The following PSMD7 variants were observed in gnomAD, a reference collection of about 807,000 sequenced individuals.
The protein encoded by PSMD7 is proteasome 26S subunit, non-ATPase 7, also known as 26S proteasome non-ATPase regulatory subunit 7.
In PSMD7, 13 loss-of-function variants were observed where a neutral mutation model predicts 36.4. The ratio of observed to expected loss-of-function variants is 0.36; its 90% CI spans 0.23 to 0.57. The LOEUF (loss-of-function observed/expected upper bound fraction) is 0.57. Ranked by LOEUF, PSMD7 falls within the 20% of genes least tolerant of loss-of-function variation. PSMD7 has a pLI of 0.83. For synonymous variants in PSMD7, 186 were observed against 151.0 expected (o/e 1.23, Z -1.70); for missense variants, 298 against 393.6 (o/e 0.76, Z 2.06).
intron 5 of PSMD7, 143 bp downstream of exon 5, chr16:74,302,435 C>A: frequency 1.5e-6 from 1 of 670,746 alleles, no homozygotes; most frequent in Non-Finnish European, 2.5e-6. Flanking sequence ...TTTTTAATCA[C>A]CACATTTTGG....
intron 5 of PSMD7, among the ~76,000 whole-genome samples, chr16:74,303,624 G>C (rs936495986): frequency 2.0e-5 from 3 of 152,106 alleles, no homozygotes; most frequent in Admixed American, 1.3e-4. Context: ...CTGTGGAATC[G>C]TTTGATCCAA....
rs193252249 is a variant in PSMD7 at position 74,303,912 on chromosome 16, G to T, written c.439-391G>T. On this transcript the variant is annotated intron_variant, in intron 5 of 6. Transcript: ENST00000219313. ...AGTTTTTGTATTTTTAGTAGAGAGG[G>T]GTTTTCGCCATGTTGCCCAGGCTGG... 175 of 157,462 alleles carry T rather than the reference G, an allele frequency of 1.1e-3. 2 individuals carry two copies. The highest frequency in any genetic ancestry group is 2.2e-3 in the Non-Finnish European group (153 of 71,134). 9.8% of individuals were successfully genotyped at this position (157,462 alleles called of 1,614,324 possible).
At chr16:74,297,192 C>G (rs2034120083) in intron 1 of PSMD7, among the ~76,000 whole-genome samples, 1 of 152,254 alleles carries the variant, frequency 6.6e-6, no homozygotes, top group Admixed American at 6.5e-5. Context: ...GCCGCCACTT[C>G]GGGGCCTTGG....
Position 74,305,426 on chromosome 16 carries a change from A to G in PSMD7, c.668A>G (p.Asn223Ser), listed in dbSNP as rs1322054203. 5 of 1,614,204 alleles carry G rather than the reference A, an allele frequency of 3.1e-6. No individual in the cohort carries two copies. Among genetic ancestry groups the G allele is most frequent in the East Asian group, 4.5e-5 (2 of 44,874 alleles). Residue 223 changes from asparagine to serine, a missense_variant, in exon 7 of 7, where the codon AAC becomes AGC. Physicochemically the swap from Asn to Ser is conservative, Grantham distance 46 (BLOSUM62 1). Coordinates refer to ENST00000219313, the MANE Select transcript of PSMD7 (RefSeq NM_002811.5). ...GTCGCCACAGGCAAGCTGCCCATCA[A>G]CCACCAGATCATCTACCAGCTGCAG... is the stretch of plus-strand genomic sequence containing the variant. ...EKVATGKLPINHQIIYQLQDV... is the reference protein window; with the variant it reads ...EKVATGKLPISHQIIYQLQDV...
At position 74,300,112 on chromosome 16, in the gene PSMD7, C is replaced by G. The variant is rs1317006941; in HGVS notation, c.75-3C>G. The G allele has an allele frequency of 2.5e-6, 4 of 1,613,960 alleles. No individual in the cohort carries two copies. The highest frequency in any genetic ancestry group is 2.2e-5 in the East Asian group (1 of 44,878). Reference sequence around the variant, plus strand: ...CACACTGACCATCTGTTTTCTCATTCAGAATCGGCAAGGTTGGAAACCAGA... The same window carrying G: ...CACACTGACCATCTGTTTTCTCATTGAGAATCGGCAAGGTTGGAAACCAGA... On this transcript the variant is annotated splice_region_variant and splice_polypyrimidine_tract_variant and intron_variant, in intron 1 of 6. Coordinates refer to ENST00000219313, the MANE Select transcript of PSMD7 (RefSeq NM_002811.5).
Position 74,302,299 on chromosome 16 carries a change from C to A in PSMD7, c.438+7C>A. The A allele has an allele frequency of 6.2e-7, 1 of 1,611,888 alleles. No homozygotes were observed. Among genetic ancestry groups the A allele is most frequent in the South Asian group, 1.1e-5 (1 of 90,758 alleles). ...AGTGGAAGAAGTCCATGATGTAAGTCATCTTGCTATGAACCTGGGAGGTTA... is the reference window on the plus strand; with the variant it reads ...AGTGGAAGAAGTCCATGATGTAAGTAATCTTGCTATGAACCTGGGAGGTTA... On this transcript the variant is annotated splice_region_variant and intron_variant, in intron 5 of 6. Coordinates refer to ENST00000219313, the MANE Select transcript of PSMD7 (RefSeq NM_002811.5).
rs2034145096 is a variant in PSMD7 at position 74,300,221 on chromosome 16, T to G, written c.166+15T>G. ...CAGTTTTGCAGGTAAAAGACAAATTTTATGTTTTTCCGAGCATGATTAAAA... is the reference window on the plus strand; with the variant it reads ...CAGTTTTGCAGGTAAAAGACAAATTGTATGTTTTTCCGAGCATGATTAAAA... On this transcript the variant is annotated intron_variant, in intron 2 of 6. Coordinates refer to ENST00000219313, the MANE Select transcript of PSMD7 (RefSeq NM_002811.5). The G allele has an allele frequency of 1.2e-6, 2 of 1,602,678 alleles. No individual in the cohort carries two copies. Among genetic ancestry groups the G allele is most frequent in the Admixed American group, 3.3e-5 (2 of 59,990 alleles).
chr16:74,302,947 A>G (rs1410628095), intron 5 of PSMD7, among the ~76,000 whole-genome samples: 1 of 152,224 alleles, frequency 6.6e-6, no homozygotes, highest in African/African-American at 2.4e-5. Context: ...CCTGGCTACC[A>G]GGGAGCTTAG....
At chr16:74,301,958 T>C (rs1478152713) in intron 4 of PSMD7, among the ~76,000 whole-genome samples, 1 of 152,146 alleles carries the variant, frequency 6.6e-6, no homozygotes, top group Non-Finnish European at 1.5e-5. Flanking sequence ...GGGACTGGGA[T>C]TGAAATTTTG....
At chr16:74,300,042 A>G in intron 1 of PSMD7, 73 bp from the exon 2 acceptor site, 7 of 1,285,660 alleles carry the variant, frequency 5.4e-6, no homozygotes, top group African/African-American at 1.5e-5. Context: ...GATATTTCCC[A>G]TTGAGTATCT....
chr16:74,299,647 G>C (rs995180140), intron 1 of PSMD7: 2 of 432,566 alleles, frequency 4.6e-6, no homozygotes, highest in African/African-American at 4.0e-5. Context: ...GCCCACCTCA[G>C]CCTCTCGAAG....
intron 5 of PSMD7, 57 bp downstream of exon 5, chr16:74,302,349 C>T: frequency 4.8e-6 from 6 of 1,256,988 alleles, no homozygotes; most frequent in East Asian, 5.2e-5. Flanking sequence ...GGGTGATTAG[C>T]TTTTTTTTTT....
At chr16:74,304,474 A>G (rs918660437) in intron 6 of PSMD7, 80 bp downstream of exon 6, 1 of 1,311,716 alleles carries the variant, frequency 7.6e-7, no homozygotes, top group South Asian at 1.3e-5. Flanking sequence ...TGTCGGGAAT[A>G]TGGAGACCTG....
chr16:74,300,078 G>C (rs144529428), intron 1 of PSMD7, 37 bp from the exon 2 acceptor site: 22 of 1,550,692 alleles, frequency 1.4e-5, no homozygotes, highest in Non-Finnish European at 1.8e-5. Flanking sequence ...GTTTCTGTGC[G>C]AGCCTATCCA....
chr16:74,304,718 G>A (rs530767193), intron 6 of PSMD7: 2 of 195,910 alleles, frequency 1.0e-5, no homozygotes, highest in Non-Finnish European at 2.1e-5. Context: ...TCCACTAGGT[G>A]TCCTTCTCAA....
chr16:74,297,657 G>A (rs1482980045), intron 1 of PSMD7, among the ~76,000 whole-genome samples: 1 of 152,130 alleles, frequency 6.6e-6, no homozygotes, highest in Non-Finnish European at 1.5e-5. Flanking sequence ...ACCTTCATTT[G>A]GCCCTGACCC....
rs1229725892 is a variant in PSMD7 at position 74,305,361 on chromosome 16, G to C, written c.603G>C (p.Leu201=). 6.2e-7 allele frequency: 1 copy of C among 1,614,148 alleles called. No individual in the cohort carries two copies. The highest frequency in any genetic ancestry group is 8.5e-7 in the Non-Finnish European group (1 of 1,180,040). Residue 201 remains leucine (L), a synonymous_variant, in exon 7 of 7, where the codon CTG becomes CTC. Transcript: ENST00000219313. ...ACCAGGTCCATGGTTTGAAGGGACTGAACTCCAAGCTTCTGGATATCAGGA... is the reference window on the plus strand; with the variant it reads ...ACCAGGTCCATGGTTTGAAGGGACTCAACTCCAAGCTTCTGGATATCAGGA... ...ITNQVHGLKG[L]NSKLLDIRSY...
Position 74,298,379 on chromosome 16 carries a change from G to A in PSMD7, c.74+1391G>A, listed in dbSNP as rs559012657. 2.7e-4 allele frequency among the ~76,000 whole-genome samples: 41 copies of A among 152,306 alleles called. No homozygotes were observed. The South Asian group carries it at 7.0e-3, about 26-fold the overall frequency. On this transcript the variant is annotated intron_variant, in intron 1 of 6. Transcript: ENST00000219313. ...TGTAAAGACCCAGTTCAGAGCATCTGCTATAAAGCCATTCTTGCAAAGTGT... is the reference window on the plus strand; with the variant it reads ...TGTAAAGACCCAGTTCAGAGCATCTACTATAAAGCCATTCTTGCAAAGTGT...
At chr16:74,301,026 A>C (rs1555525971) in intron 2 of PSMD7, 26 bp from the exon 3 acceptor site, 1 of 1,517,256 alleles carries the variant, frequency 6.6e-7, no homozygotes, top group East Asian at 2.3e-5. Flanking sequence ...CAAGCACCCT[A>C]AACTAACTTT....
Sources: allele counts gnomAD v4.1 joint callset (sites outside exome capture counted in the v4.1 genomes callset), GRCh38; gene constraint gnomAD v4.1.1; transcripts MANE v1.5; gene names NCBI Gene and HGNC (gene_info 2026-07-23, HGNC 2026-07-21).